FHOD3: variants seen among roughly 807,000 people sequenced by gnomAD.
FHOD3 encodes FH1/FH2 domain-containing protein 3.
FHOD3 carries 90 observed loss-of-function variants against 173.0 expected under a neutral mutation model. The observed-to-expected ratio is 0.52, with a 90% CI of 0.44 to 0.62. FHOD3 has a LOEUF of 0.62. Among genes scored for constraint, FHOD3 ranks in the 20% least tolerant of loss-of-function variants. FHOD3 has a pLI of 0.00. For synonymous variants in FHOD3, 828 were observed against 823.0 expected, an observed-to-expected ratio of 1.01 and a Z score of -0.10; for missense variants, 1,945 against 2,034.7, an observed-to-expected ratio of 0.96 and a Z score of 0.85.
intron 8 of FHOD3, 36 bp downstream of exon 8, chr18:36,602,804 C>A: frequency 1.3e-6 from 2 of 1,498,050 alleles, no homozygotes; most frequent in Non-Finnish European, 1.9e-6. Context: ...ATTGCGTCAC[C>A]TAAAAAGATA....
Position 36,779,866 on chromosome 18 carries a change from T to C in FHOD3, c.*336T>C, listed in dbSNP as rs1397556807. 2.3e-6 allele frequency: 1 copy of C among 442,992 alleles called. No individual in the cohort carries two copies. Among genetic ancestry groups the C allele is most frequent in the Non-Finnish European group, 4.0e-6 (1 of 252,526 alleles). The allele number at this position is 442,992 out of a possible 1,614,324, so 27.4% of individuals were successfully genotyped here. Reference sequence around the variant, plus strand: ...TTCTGTCACAGTTATTATGGTAATATGAGGCAATCTGATTAGCTTCACAGA... The same window carrying C: ...TTCTGTCACAGTTATTATGGTAATACGAGGCAATCTGATTAGCTTCACAGA... On this transcript the variant is annotated 3_prime_UTR_variant, in exon 29 of 29. Transcript: ENST00000590592.
At chr18:36,340,739 C>A (rs548679772) in intron 1 of FHOD3, among the ~76,000 whole-genome samples, 2 of 152,110 alleles carry the variant, frequency 1.3e-5, no homozygotes, top group East Asian at 1.9e-4. Context: ...CGGGTTCATG[C>A]CATTCTCCTG....
intron 3 of FHOD3, among the ~76,000 whole-genome samples, chr18:36,388,089 A>G (rs1235374805): frequency 1.3e-5 from 2 of 151,468 alleles, no homozygotes; most frequent in Admixed American, 1.3e-4. Flanking sequence ...GTGTCTTTGA[A>G]AGTGTGTTAC....
intron 10 of FHOD3, among the ~76,000 whole-genome samples, chr18:36,636,245 T>C (rs1270456578): frequency 6.6e-6 from 1 of 152,198 alleles, no homozygotes; most frequent in African/African-American, 2.4e-5. Context: ...AGCTAGAGAA[T>C]AAGCATTTCT....
At chr18:36,533,584 T>C (rs2056874171) in intron 5 of FHOD3, among the ~76,000 whole-genome samples, 1 of 152,196 alleles carries the variant, frequency 6.6e-6, no homozygotes, top group African/African-American at 2.4e-5. Context: ...TGAGGGCCTT[T>C]TTAATGGTCT....
chr18:36,437,653 G>GTTTC (rs1211085484), intron 3 of FHOD3, among the ~76,000 whole-genome samples: 1 of 115,142 alleles, frequency 8.7e-6, no homozygotes, highest in Non-Finnish European at 1.9e-5. Flanking sequence ...TGAGCTTCTG[G>GTTTC]TTTCTTTCTT....
chr18:36,758,972 C>A (rs2042751959), intron 25 of FHOD3, 146 bp from the exon 26 acceptor site: 1 of 855,654 alleles, frequency 1.2e-6, no homozygotes, highest in Non-Finnish European at 1.9e-6. Flanking sequence ...CAGCTCCCAA[C>A]TCAAGAGGAT....
intron 3 of FHOD3, among the ~76,000 whole-genome samples, chr18:36,460,237 G>C (rs1174343675): frequency 6.6e-6 from 1 of 152,142 alleles, no homozygotes; most frequent in African/African-American, 2.4e-5. Context: ...TGCTGCACTT[G>C]TTGGAAGGAA....
chr18:36,497,081 A>C (rs2054783997), intron 3 of FHOD3, among the ~76,000 whole-genome samples: 1 of 152,262 alleles, frequency 6.6e-6, no homozygotes, highest in Admixed American at 6.5e-5. Flanking sequence ...TCTCTTGCTT[A>C]AAACAATAAA....
intron 6 of FHOD3, among the ~76,000 whole-genome samples, chr18:36,582,312 G>T (rs2058880744): frequency 6.6e-6 from 1 of 152,136 alleles, no homozygotes; most frequent in African/African-American, 2.4e-5. Context: ...CCAAATATGG[G>T]GGTGAGAGCT....
At chr18:36,306,037 T>C (rs1158373564) in intron 1 of FHOD3, among the ~76,000 whole-genome samples, 2 of 152,184 alleles carry the variant, frequency 1.3e-5, no homozygotes, top group Non-Finnish European at 2.9e-5. Context: ...AAATGAAATA[T>C]TGTTAAGGGT....
intron 5 of FHOD3, among the ~76,000 whole-genome samples, chr18:36,574,988 TCAGA>T (rs1197066133): frequency 6.6e-6 from 1 of 152,020 alleles, no homozygotes; most frequent in African/African-American, 2.4e-5. Flanking sequence ...TTTTCTTTGT[TCAGA>T]CAGAGTTTTG....
intron 3 of FHOD3, among the ~76,000 whole-genome samples, chr18:36,493,375 T>A (rs1218016251): frequency 2.0e-5 from 3 of 152,040 alleles, no homozygotes; most frequent in Non-Finnish European, 4.4e-5. Context: ...CATCAGCAGG[T>A]AATAATGGAG....
intron 3 of FHOD3, among the ~76,000 whole-genome samples, chr18:36,386,967 G>A (rs951958338): frequency 2.6e-5 from 4 of 152,188 alleles, no homozygotes; most frequent in African/African-American, 9.7e-5. Flanking sequence ...TGTGTACCTA[G>A]AATCTAAGAT....
intron 2 of FHOD3, among the ~76,000 whole-genome samples, chr18:36,364,262 A>G (rs1244310354): frequency 1.3e-5 from 2 of 152,060 alleles, no homozygotes; most frequent in Non-Finnish European, 2.9e-5. Context: ...AATATAGGCA[A>G]TCCTCTTTGG....
chr18:36,775,919 G>A (rs1448118716), intron 28 of FHOD3, among the ~76,000 whole-genome samples: 2 of 152,172 alleles, frequency 1.3e-5, no homozygotes, highest in African/African-American at 2.4e-5. Context: ...TCTGTTCTCT[G>A]TTATGAGCTT....
chr18:36,589,571 G>A (rs1166154740), intron 6 of FHOD3, among the ~76,000 whole-genome samples: 3 of 152,128 alleles, frequency 2.0e-5, no homozygotes, highest in Non-Finnish European at 2.9e-5. Context: ...TCAGCAACCC[G>A]GCACTCAAGA....
chr18:36,768,998 C>T (rs2043258521), intron 27 of FHOD3, among the ~76,000 whole-genome samples: 1 of 152,202 alleles, frequency 6.6e-6, no homozygotes, highest in Non-Finnish European at 1.5e-5. Context: ...ACAAGATACA[C>T]AGCTGTGTTA....
At chr18:36,405,119 T>C (rs537667510) in intron 3 of FHOD3, among the ~76,000 whole-genome samples, 1 of 152,206 alleles carries the variant, frequency 6.6e-6, no homozygotes, top group Non-Finnish European at 1.5e-5. Flanking sequence ...ACTTCATTCC[T>C]TATTTATAAA....
Sources: gnomAD v4.1 joint callset for allele counts (sites outside exome capture counted in the v4.1 genomes callset) on GRCh38, gnomAD v4.1.1 for gene constraint, MANE v1.5 for transcripts, NCBI Gene and HGNC (gene_info 2026-07-23, HGNC 2026-07-21) for gene names.